Variants in OR51B5 observed in about 807,000 individuals in gnomAD.
The protein encoded by OR51B5 is olfactory receptor family 51 subfamily B member 5.
For synonymous variants in OR51B5, 186 were observed against 144.8 expected (o/e 1.28, Z -2.04); for missense variants, 456 against 374.6 (o/e 1.22, Z -1.79).
intron 1 of OR51B5, among the ~76,000 whole-genome samples, chr11:5,381,127 C>T (rs1849602994): frequency 7.0e-6 from 1 of 143,184 alleles, no homozygotes; most frequent in African/African-American, 2.6e-5. Flanking sequence ...TACCCCCACC[C>T]CACCTCTCTC....
chr11:5,495,384 A>C (rs10160740), intron 1 of OR51B5, among the ~76,000 whole-genome samples: 35,190 of 152,130 alleles, frequency 0.23, 4,433 homozygotes, highest in African/African-American at 0.34. Context: ...ACAAATTTTA[A>C]AAATATCTAT....
chr11:5,375,737 G>A (rs942928791), intron 1 of OR51B5, among the ~76,000 whole-genome samples: 1 of 152,114 alleles, frequency 6.6e-6, no homozygotes, highest in Middle Eastern at 3.4e-3. Context: ...ATGGTAAAGG[G>A]ATCAATTCAA....
intron 1 of OR51B5, among the ~76,000 whole-genome samples, chr11:5,486,268 T>A (rs150527163): frequency 1.6e-3 from 248 of 152,334 alleles, no homozygotes; most frequent in African/African-American, 5.6e-3. Context: ...TCAAAGTCCT[T>A]ATCATTATCT....
At chr11:5,477,394 C>A (rs976545614) in intron 1 of OR51B5, among the ~76,000 whole-genome samples, 1 of 152,184 alleles carries the variant, frequency 6.6e-6, no homozygotes, top group Non-Finnish European at 1.5e-5. Flanking sequence ...AGGCTCACCT[C>A]CTTGAAGCTC....
At chr11:5,433,849 AG>A (rs976205380) in intron 1 of OR51B5, among the ~76,000 whole-genome samples, 1 of 151,986 alleles carries the variant, frequency 6.6e-6, no homozygotes, top group Admixed American at 6.6e-5. Context: ...GAAAAAAAAA[AG>A]AACTATGACT....
At chr11:5,452,588 T>G (rs1701339120) in intron 1 of OR51B5, among the ~76,000 whole-genome samples, 1 of 84,884 alleles carries the variant, frequency 1.2e-5, no homozygotes, top group Admixed American at 1.2e-4. Context: ...AAGAGCGACT[T>G]TACGAGATAT....
chr11:5,367,808 A>T (rs1273611397), intron 1 of OR51B5, among the ~76,000 whole-genome samples: 2 of 152,148 alleles, frequency 1.3e-5, no homozygotes, highest in Non-Finnish European at 2.9e-5. Context: ...GTATGCTAGC[A>T]CCCAGAATAG....
intron 1 of OR51B5, among the ~76,000 whole-genome samples, chr11:5,443,412 C>CT (rs1184542570): frequency 6.6e-6 from 1 of 152,032 alleles, no homozygotes; most frequent in Non-Finnish European, 1.5e-5. Flanking sequence ...GTGTTTTCTC[C>CT]TTATGGGCTA....
At chr11:5,466,169 C>G (rs146673617) in intron 1 of OR51B5, among the ~76,000 whole-genome samples, 1 of 152,034 alleles carries the variant, frequency 6.6e-6, no homozygotes, top group Non-Finnish European at 1.5e-5. Flanking sequence ...TTTACGTAGA[C>G]GACAATACAC....
chr11:5,428,463 A>T (rs1313420373), intron 1 of OR51B5, among the ~76,000 whole-genome samples: 1 of 152,246 alleles, frequency 6.6e-6, no homozygotes, highest in East Asian at 1.9e-4. Context: ...CTTGCTCAAC[A>T]TAGGGTTATT....
intron 1 of OR51B5, among the ~76,000 whole-genome samples, chr11:5,357,770 A>T (rs1267200171): frequency 6.6e-6 from 1 of 150,920 alleles, no homozygotes; most frequent in East Asian, 1.9e-4. Context: ...ATGTAAAAGA[A>T]CAGAAATTAT....
intron 1 of OR51B5, chr11:5,389,575 C>A (rs555482562): frequency 1.5e-5 from 24 of 1,613,720 alleles, no homozygotes; most frequent in Non-Finnish European, 1.9e-5. Flanking sequence ...TCATTCTGAT[C>A]ATTATTAAGA....
intron 1 of OR51B5, among the ~76,000 whole-genome samples, chr11:5,451,893 A>G (rs1850857071): frequency 6.6e-6 from 1 of 152,250 alleles, no homozygotes; most frequent in African/African-American, 2.4e-5. Flanking sequence ...CTCATCCACG[A>G]TGAGGCAATG....
intron 1 of OR51B5, among the ~76,000 whole-genome samples, chr11:5,477,010 C>T (rs549567818): frequency 2.0e-5 from 3 of 152,200 alleles, no homozygotes; most frequent in Admixed American, 6.5e-5. Flanking sequence ...CTATAGTTAA[C>T]AATACTGTTT....
chr11:5,389,690 T>A, intron 1 of OR51B5: 3 of 1,613,756 alleles, frequency 1.9e-6, no homozygotes, highest in Non-Finnish European at 1.7e-6. Context: ...GGGGATCTTC[T>A]GGTTTAACTC....
chr11:5,341,026 G>T (rs1162057976), downstream of OR51B5: 1 of 152,110 alleles, frequency 6.6e-6, no homozygotes, highest in Non-Finnish European at 1.5e-5. Context: ...TAAAAAACAT[G>T]ATAAAGCTGA....
At chr11:5,435,135 G>T (rs1850575459) in intron 1 of OR51B5, among the ~76,000 whole-genome samples, 1 of 152,160 alleles carries the variant, frequency 6.6e-6, no homozygotes, top group African/African-American at 2.4e-5. Flanking sequence ...TGAATCAAGA[G>T]TCCAATCTTG....
intron 1 of OR51B5, chr11:5,422,652 T>C: frequency 5.0e-6 from 8 of 1,614,094 alleles, no homozygotes; most frequent in Non-Finnish European, 6.8e-6. Flanking sequence ...TTAGCCATCA[T>C]TTGCTGCTGT....
chr11:5,414,975 T>C (rs1054898207), intron 1 of OR51B5, among the ~76,000 whole-genome samples: 2 of 152,072 alleles, frequency 1.3e-5, no homozygotes, highest in Non-Finnish European at 2.9e-5. Flanking sequence ...AATATACATT[T>C]TTTTCAGCAC....
Sources: allele counts gnomAD v4.1 joint callset (sites outside exome capture counted in the v4.1 genomes callset), GRCh38; gene constraint gnomAD v4.1.1; transcripts MANE v1.5; gene names NCBI Gene and HGNC (gene_info 2026-07-23, HGNC 2026-07-21).